TLK2: variants seen among roughly 807,000 people sequenced by gnomAD.
TLK2 encodes the protein tousled like kinase 2.
A neutral mutation model predicts 117.3 loss-of-function variants in TLK2; 6 were observed. The observed-to-expected ratio is 0.05, with a 90% CI of 0.03 to 0.10. The LOEUF (loss-of-function observed/expected upper bound fraction) is 0.10, where lower values mean the gene tolerates loss of function less well. Among genes scored for constraint, TLK2 ranks in the 10% least tolerant of loss-of-function variants. The probability of loss-of-function intolerance (pLI) is 1.00; values close to 1 mark genes in which losing one functional copy is unlikely to be tolerated. For missense variants in TLK2, 299 were observed against 901.2 expected (o/e 0.33, Z 8.56); for synonymous variants, 257 against 316.7 (o/e 0.81, Z 2.00).
intron 21 of TLK2, among the ~76,000 whole-genome samples, chr17:62,610,912 G>A (rs989399118): frequency 6.6e-6 from 1 of 152,162 alleles, no homozygotes; most frequent in African/African-American, 2.4e-5. Context: ...AGATGAGGTG[G>A]CAGGATTGCT....
intron 7 of TLK2, 193 bp from the exon 8 acceptor site, chr17:62,552,109 A>G (rs189481213): frequency 2.4e-6 from 2 of 827,408 alleles, no homozygotes; most frequent in Non-Finnish European, 3.8e-6. Flanking sequence ...GGTATAAACC[A>G]CCATGTCCAG....
intron 19 of TLK2, among the ~76,000 whole-genome samples, chr17:62,604,500 A>G (rs369450187): frequency 2.0e-4 from 30 of 152,256 alleles, no homozygotes; most frequent in Middle Eastern, 3.4e-3. Flanking sequence ...AATGCTTATT[A>G]TTTTCAGTAT....
At chr17:62,482,500 A>T (rs1249258584) in intron 2 of TLK2, among the ~76,000 whole-genome samples, 2 of 146,970 alleles carry the variant, frequency 1.4e-5, no homozygotes, top group African/African-American at 5.1e-5. Context: ...CCCAGGCTGG[A>T]GTGCAGTGGC....
chr17:62,553,117 C>T (rs184869723), intron 8 of TLK2, among the ~76,000 whole-genome samples: 1 of 152,204 alleles, frequency 6.6e-6, no homozygotes, highest in Admixed American at 6.5e-5. Context: ...TATATATTAC[C>T]TTCAAGACAG....
At chr17:62,484,373 T>C (rs2072074241) in intron 2 of TLK2, among the ~76,000 whole-genome samples, 1 of 151,924 alleles carries the variant, frequency 6.6e-6, no homozygotes. Flanking sequence ...CTCAGCTCAC[T>C]GCAACCTCCG....
At chr17:62,520,474 C>A (rs2075959570) in intron 2 of TLK2, among the ~76,000 whole-genome samples, 1 of 151,360 alleles carries the variant, frequency 6.6e-6, no homozygotes, top group Admixed American at 6.6e-5. Context: ...GTCAGGAGAT[C>A]GAGACCAGCC....
intron 7 of TLK2, among the ~76,000 whole-genome samples, chr17:62,537,455 C>T (rs2077192947): frequency 1.3e-5 from 2 of 152,248 alleles, no homozygotes; most frequent in Admixed American, 6.5e-5. Flanking sequence ...GTGGAGTTTG[C>T]GTGTTTTCTC....
intron 10 of TLK2, among the ~76,000 whole-genome samples, chr17:62,560,798 C>T (rs577471081): frequency 5.3e-5 from 8 of 151,746 alleles, no homozygotes; most frequent in South Asian, 2.1e-4. Flanking sequence ...GGTTTATAGG[C>T]GTGCGCCACC....
intron 11 of TLK2, among the ~76,000 whole-genome samples, chr17:62,572,115 A>G (rs2080350005): frequency 3.3e-5 from 5 of 150,916 alleles, no homozygotes; most frequent in Admixed American, 2.7e-4. Flanking sequence ...GCTTGCAGTG[A>G]GCTGAGAGCT....
At position 62,499,647 on chromosome 17, in the gene TLK2, TGAGACCAG is replaced by T. The variant is rs552681690; in HGVS notation, c.81+18442_81+18449del. ...GGCGGATTGCCTGAGCTCAGGAGTT[TGAGACCAG>T]CCTGGGCAACATGGTAAAACCCTGT... On this transcript the variant is annotated intron_variant, in intron 2 of 21. Coordinates refer to ENST00000346027, the MANE Select transcript of TLK2 (RefSeq NM_006852.6). Among the ~76,000 whole-genome samples, 204 of 151,624 alleles carry T rather than the reference TGAGACCAG, an allele frequency of 1.3e-3. 1 individual carries two copies. Among genetic ancestry groups the T allele is most frequent in the Admixed American group, 3.5e-3 (53 of 15,194 alleles).
At chr17:62,567,870 T>G (rs901217942) in intron 11 of TLK2, among the ~76,000 whole-genome samples, 1 of 152,212 alleles carries the variant, frequency 6.6e-6, no homozygotes, top group African/African-American at 2.4e-5. Flanking sequence ...TTTAATTTCC[T>G]AAAACAGAAG....
chr17:62,540,578 T>C (rs2077459909), intron 7 of TLK2, among the ~76,000 whole-genome samples: 1 of 150,748 alleles, frequency 6.6e-6, no homozygotes, highest in Non-Finnish European at 1.5e-5. Flanking sequence ...TTTGTATTTT[T>C]AGTAGAGATA....
chr17:62,588,586 C>A (rs2081834349), intron 16 of TLK2, among the ~76,000 whole-genome samples: 1 of 152,172 alleles, frequency 6.6e-6, no homozygotes, highest in African/African-American at 2.4e-5. Flanking sequence ...ATTTGGCAGA[C>A]ACCTTGGGGA....
chr17:62,509,059 G>C (rs2074946012), intron 2 of TLK2, among the ~76,000 whole-genome samples: 1 of 152,138 alleles, frequency 6.6e-6, no homozygotes, highest in Admixed American at 6.6e-5. Context: ...CTAGGTGTTG[G>C]TGATTTCTCC....
At chr17:62,501,242 G>A (rs1448926166) in intron 2 of TLK2, among the ~76,000 whole-genome samples, 2 of 150,728 alleles carry the variant, frequency 1.3e-5, no homozygotes, top group Non-Finnish European at 3.0e-5. Flanking sequence ...CGTCTCAAAA[G>A]AAAAAAAAGA....
At chr17:62,474,473 G>C (rs556932796), upstream of TLK2, among the ~76,000 whole-genome samples, 1 of 151,168 alleles carries the variant, frequency 6.6e-6, no homozygotes, top group Non-Finnish European at 1.5e-5. Flanking sequence ...GCAGTGGTGC[G>C]GTCTCGGCTT....
intron 1 of TLK2, among the ~76,000 whole-genome samples, chr17:62,473,275 C>A (rs1948499527): frequency 3.9e-5 from 6 of 152,272 alleles, no homozygotes; most frequent in Admixed American, 3.9e-4. Flanking sequence ...CATCTTCTAT[C>A]TATGGCTTGG....
intron 10 of TLK2, among the ~76,000 whole-genome samples, chr17:62,561,897 T>C (rs1322741373): frequency 6.6e-6 from 1 of 152,216 alleles, no homozygotes; most frequent in Non-Finnish European, 1.5e-5. Flanking sequence ...AAAGTAAACA[T>C]AATGCTGTCT....
At chr17:62,472,737 C>CAAA (rs138668621) in intron 1 of TLK2, among the ~76,000 whole-genome samples, 2 of 94,718 alleles carry the variant, frequency 2.1e-5, no homozygotes, top group African/African-American at 3.9e-5. Flanking sequence ...GACCCCGTCT[C>CAAA]AAAAAAAAAA....
Sources: gnomAD v4.1 joint callset for allele counts (sites outside exome capture counted in the v4.1 genomes callset) on GRCh38, gnomAD v4.1.1 for gene constraint, MANE v1.5 for transcripts, NCBI Gene and HGNC (gene_info 2026-07-23, HGNC 2026-07-21) for gene names.